SPO11: variants seen among roughly 807,000 people sequenced by gnomAD.
SPO11 encodes SPO11 initiator of meiotic double strand breaks.
SPO11 carries 49 observed loss-of-function variants against 51.6 expected under a neutral mutation model. The observed-to-expected ratio is 0.95, with a 90% CI of 0.75 to 1.20. The LOEUF (loss-of-function observed/expected upper bound fraction) is 1.20. SPO11 is among the 50% of genes most tolerant of loss of function. The pLI is 0.00. For missense variants in SPO11, 431 were observed against 473.4 expected (o/e 0.91, Z 0.83); for synonymous variants, 176 against 158.2 (o/e 1.11, Z -0.84).
At chr20:57,339,940 T>C (rs1277069752) in intron 10 of SPO11, among the ~76,000 whole-genome samples, 162 bp from the exon 11 acceptor site, 1 of 152,210 alleles carries the variant, frequency 6.6e-6, no homozygotes, top group Non-Finnish European at 1.5e-5. Flanking sequence ...AAGCCCAGCT[T>C]AGCATAGCCC....
At chr20:57,335,696 T>C (rs1044765422) in intron 7 of SPO11, 102 bp from the exon 8 acceptor site, 58 of 747,354 alleles carry the variant, frequency 7.8e-5, no homozygotes, top group Admixed American at 1.9e-4. Context: ...ACTAAAATGT[T>C]GTATCTATAG....
rs1312525140 is a variant in SPO11 at position 57,340,248 on chromosome 20, A to G, written c.959+70A>G. Reference sequence around the variant, plus strand: ...TTATCATATGTAACAATAAGCCTAAAAAGTCACTACAAGGGAAAGCTCTTA... The same window carrying G: ...TTATCATATGTAACAATAAGCCTAAGAAGTCACTACAAGGGAAAGCTCTTA... On this transcript the variant is annotated intron_variant, in intron 11 of 12. Coordinates refer to ENST00000371263, the MANE Select transcript of SPO11 (RefSeq NM_012444.3). The G allele has an allele frequency of 4.0e-6, 4 of 998,188 alleles. No homozygotes were observed. The African/African-American group carries it at 4.8e-5, about 12-fold the overall frequency. 61.8% of individuals were successfully genotyped at this position (998,188 alleles called of 1,614,324 possible). A position where few individuals can be genotyped will look rare whatever the true frequency, so the allele number is the denominator to read the frequency against.
At position 57,338,327 on chromosome 20, in the gene SPO11, G is replaced by A. The variant is rs763366388; in HGVS notation, c.796G>A (p.Asp266Asn). The A allele has an allele frequency of 6.2e-7, 1 of 1,613,912 alleles. No individual in the cohort carries two copies. The highest frequency in any genetic ancestry group is 8.5e-7 in the Non-Finnish European group (1 of 1,179,926). Residue 266 changes from aspartate to asparagine, a missense_variant, in exon 9 of 13, where the codon GAT (aspartate) becomes AAT (asparagine). Coordinates refer to ENST00000371263, the MANE Select transcript of SPO11 (RefSeq NM_012444.3). ...NTRLLVKKLWDTFHVPVFTLV... is the reference protein window; with the variant it reads ...NTRLLVKKLWNTFHVPVFTLV... Reference sequence around the variant, plus strand: ...AAGACTTTTAGTCAAGAAACTGTGGGATACATTTCATGTTCCTGTTTTCAC... The same window carrying A: ...AAGACTTTTAGTCAAGAAACTGTGGAATACATTTCATGTTCCTGTTTTCAC...
In SPO11 at chr20:57,343,398, TC is replaced by T. The variant is rs1216772949; in HGVS notation, c.1130del (p.Ser377TyrfsTer14). 1 of 1,611,716 alleles carries T rather than the reference TC, an allele frequency of 6.2e-7. No homozygotes were observed. The highest frequency in any genetic ancestry group is 1.7e-5 in the Admixed American group (1 of 59,514). On this transcript the variant is annotated frameshift_variant, in exon 13 of 13. Coordinates refer to ENST00000371263, the MANE Select transcript of SPO11 (RefSeq NM_012444.3). LOFTEE classifies it high-confidence loss of function. ...KAEIQALTFLSSDYLSRVYLP... is the reference protein window; with the variant it reads ...KAEIQALTFLXSDYLSRVYLP... ...AGAAATTCAAGCTTTGACTTTCCTA[TC>T]ATCAGATTATCTTTCCAGAGTGTAC...
At chr20:57,340,067 A>C (rs1319742179) in intron 10 of SPO11, 35 bp from the exon 11 acceptor site, 2 of 1,380,834 alleles carry the variant, frequency 1.4e-6, no homozygotes, top group African/African-American at 1.4e-5. Context: ...TCTACAATTT[A>C]GCCTCACCTA....
chr20:57,334,863 A>C (rs2066493310), intron 6 of SPO11, 27 bp downstream of exon 6: 24 of 1,585,062 alleles, frequency 1.5e-5, no homozygotes, highest in Non-Finnish European at 1.9e-5. Flanking sequence ...AAGTTTTCAC[A>C]GCTTTAACTC....
Position 57,329,967 on chromosome 20 carries a change from C to A in SPO11, c.100C>A (p.Pro34Thr), listed in dbSNP as rs142999149. 145 of 1,609,842 alleles carry A rather than the reference C, an allele frequency of 9.0e-5. 1 individual carries two copies. In the East Asian group the frequency reaches 2.9e-3, roughly 32 times the overall value. Residue 34 changes from proline (P) to threonine (T), a missense_variant, in exon 1 of 13, where the codon CCC (proline) becomes ACC (threonine). Around this residue, in one of 3 missense-constraint regions of SPO11, gnomAD observed 405 missense variants for 425.9 expected, o/e 0.95. Coordinates refer to ENST00000371263, the MANE Select transcript of SPO11 (RefSeq NM_012444.3). ...LAALRRGGREPPTGGSRLASS... is the reference protein window; with the variant it reads ...LAALRRGGRETPTGGSRLASS... ...TGCCCTGAGGAGAGGTGGCAGGGAG[C>A]CCCCAACTGGGGGAAGCCGCCTGGC...
Position 57,338,208 on chromosome 20 carries a change from A to G in SPO11, c.745-68A>G, listed in dbSNP as rs756997108. ...GTCCAGCCTAACTTTTAAATTATTA[A>G]TAAGAGTATAATTGTAACCATTTTA... is the stretch of plus-strand genomic sequence containing the variant. On this transcript the variant is annotated intron_variant, in intron 8 of 12. Coordinates refer to ENST00000371263, the MANE Select transcript of SPO11 (RefSeq NM_012444.3). 2.6e-4 allele frequency: 300 copies of G among 1,139,782 alleles called. 1 individual carries two copies. The highest frequency in any genetic ancestry group is 4.6e-4 in the Admixed American group (23 of 50,226). The allele number at this position is 1,139,782 out of a possible 1,614,324, so 70.6% of individuals were successfully genotyped here.
rs550193062 is a variant in SPO11 at position 57,335,716 on chromosome 20, A to C, written c.635-82A>C. ...AATGTTGTATCTATAGCTGCTTTTGAATTATCTATATGGCACCTTAATTTA... is the reference window on the plus strand; with the variant it reads ...AATGTTGTATCTATAGCTGCTTTTGCATTATCTATATGGCACCTTAATTTA... On this transcript the variant is annotated intron_variant, in intron 7 of 12. Transcript: ENST00000371263. 41 of 853,392 alleles carry C rather than the reference A, an allele frequency of 4.8e-5. 1 individual carries two copies. The South Asian group carries it at 6.2e-4, about 13-fold the overall frequency. The allele number at this position is 853,392 out of a possible 1,614,324, so 52.9% of individuals were successfully genotyped here.
intron 8 of SPO11, among the ~76,000 whole-genome samples, chr20:57,337,302 C>A (rs1421991570): frequency 6.6e-6 from 1 of 152,178 alleles, no homozygotes; most frequent in Non-Finnish European, 1.5e-5. Context: ...ATTATCCCAC[C>A]ATTTAAGTTT....
Position 57,334,171 on chromosome 20 carries a change from T to C in SPO11, c.510+76T>C, listed in dbSNP as rs76864875. ...TAAAACATAATTTTTTTTTTTTTTT[T>C]TGAGACGGAGTCTTGCTCTGTCGCC... is the stretch of plus-strand genomic sequence containing the variant. On this transcript the variant is annotated intron_variant, in intron 5 of 12. Coordinates refer to ENST00000371263, the MANE Select transcript of SPO11 (RefSeq NM_012444.3). 1.8e-4 allele frequency: 119 copies of C among 651,392 alleles called. No homozygotes were observed. In the East Asian group the frequency reaches 2.1e-3, roughly 12 times the overall value. 40.4% of individuals were successfully genotyped at this position (651,392 alleles called of 1,614,324 possible).
intron 10 of SPO11, among the ~76,000 whole-genome samples, chr20:57,339,650 A>G (rs1048369180): frequency 6.6e-6 from 1 of 152,272 alleles, no homozygotes; most frequent in African/African-American, 2.4e-5. Context: ...ATGGGGAATC[A>G]TGAACAATAA....
intron 11 of SPO11, among the ~76,000 whole-genome samples, chr20:57,341,421 T>C (rs2066580493): frequency 6.6e-6 from 1 of 152,236 alleles, no homozygotes. Flanking sequence ...AGAGTCCACC[T>C]GTCCCTCAGC....
intron 8 of SPO11, among the ~76,000 whole-genome samples, chr20:57,336,208 G>C (rs1180269305): frequency 6.6e-6 from 1 of 152,056 alleles, no homozygotes; most frequent in African/African-American, 2.4e-5. Flanking sequence ...ACACTCAAAA[G>C]CTTTCTTCCT....
Position 57,329,827 on chromosome 20 carries a change from A to G in SPO11, c.-41A>G, listed in dbSNP as rs773612199. 8.2e-6 allele frequency: 13 copies of G among 1,592,298 alleles called. No homozygotes were observed. Among genetic ancestry groups the G allele is most frequent in the African/African-American group, 4.0e-5 (3 of 74,174 alleles). ...CAGCCACGCCCCAAGGGCGCAGCCT[A>G]GGACAGGGGCTTCTGGAGCTTCTGG... On this transcript the variant is annotated 5_prime_UTR_variant, in exon 1 of 13. Coordinates refer to ENST00000371263, the MANE Select transcript of SPO11 (RefSeq NM_012444.3).
chr20:57,342,303 A>G (rs181926570), intron 11 of SPO11, among the ~76,000 whole-genome samples: 3 of 152,358 alleles, frequency 2.0e-5, no homozygotes, highest in Admixed American at 6.5e-5. Flanking sequence ...AAAGTCCCTC[A>G]GTGAATCTCA....
rs1198897806 is a variant in SPO11, at chr20:57,338,370, C to T, written c.839C>T (p.Pro280Leu). Residue 280 changes from proline to leucine, a missense_variant, in exon 9 of 13, where the codon CCA becomes CTA. By Grantham distance (98) the Pro-to-Leu change is moderately conservative. This residue lies in a region of SPO11 where 405 missense variants were observed against 425.9 expected (regional missense o/e 0.95). Coordinates refer to ENST00000371263, the MANE Select transcript of SPO11 (RefSeq NM_012444.3). The stretch of plus-strand genomic sequence containing the variant: ...GTTTTCACTCTTGTAGATGCTGATC[C>T]ACATGGTAATTTATCACTGGACTAT... The part of the protein sequence containing the change: ...VPVFTLVDAD[P>L]HGIEIMCIYK... The T allele has an allele frequency of 6.3e-7, 1 of 1,599,680 alleles. No individual in the cohort carries two copies. The highest frequency in any genetic ancestry group is 1.3e-5 in the African/African-American group (1 of 74,664).
At chr20:57,340,276 GTTT>G in intron 11 of SPO11, 98 bp downstream of exon 11, 1 of 701,820 alleles carries the variant, frequency 1.4e-6, no homozygotes, top group East Asian at 2.7e-5. Context: ...AGCTCTTAAT[GTTT>G]TTTATTTATA....
rs2066498116 is a variant in SPO11 at position 57,335,282 on chromosome 20, T to C, written c.598-137T>C. On this transcript the variant is annotated intron_variant, in intron 6 of 12. Transcript: ENST00000371263. ...TTCTTACTGAGGGGTAAAGCTGTTT[T>C]CTACTATTTTTTAACAGAGGAAGAA... The C allele has an allele frequency of 1.7e-5, 12 of 699,988 alleles. No individual in the cohort carries two copies. The South Asian group carries it at 2.3e-4, about 13-fold the overall frequency. 43.4% of individuals were successfully genotyped at this position (699,988 alleles called of 1,614,324 possible). A position where few individuals can be genotyped will look rare whatever the true frequency, so the allele number is the denominator to read the frequency against.
Sources: allele counts gnomAD v4.1 joint callset (sites outside exome capture counted in the v4.1 genomes callset), GRCh38; gene constraint gnomAD v4.1.1; regional missense constraint gnomAD v4.1.1; transcripts MANE v1.5; gene names NCBI Gene and HGNC (gene_info 2026-07-23, HGNC 2026-07-21).